Variants in SLC9C2 observed in about 807,000 individuals in gnomAD.
SLC9C2 encodes the protein solute carrier family 9 member C2 (putative).
SLC9C2 carries 75 observed loss-of-function variants against 140.2 expected under a neutral mutation model. The ratio of observed to expected loss-of-function variants is 0.53; its 90% CI spans 0.44 to 0.65. SLC9C2 has a LOEUF of 0.65. Among genes scored for constraint, SLC9C2 ranks in the 30% least tolerant of loss-of-function variants. The pLI is 0.00. For missense variants in SLC9C2, 1,074 were observed against 1,331.8 expected (o/e 0.81, Z 3.01); for synonymous variants, 375 against 420.9 (o/e 0.89, Z 1.34).
At chr1:173,509,753 G>A in intron 23 of SLC9C2, 54 bp from the exon 24 acceptor site, 1 of 1,538,904 alleles carries the variant, frequency 6.5e-7, no homozygotes, top group Non-Finnish European at 8.7e-7. Flanking sequence ...TAAATTACAA[G>A]ACCATCAAAA....
chr1:173,516,976 GT>G (rs541066634), intron 23 of SLC9C2, among the ~76,000 whole-genome samples: 10 of 152,288 alleles, frequency 6.6e-5, no homozygotes, highest in Non-Finnish European at 1.5e-4. Context: ...TCCAGCACCT[GT>G]TACTTTTTGA....
chr1:173,533,590 T>C lies in SLC9C2; in HGVS notation c.2163+19A>G. On this transcript the variant is annotated intron_variant, in intron 17 of 27. Coordinates refer to ENST00000367714, the MANE Select transcript of SLC9C2 (RefSeq NM_178527.4). The stretch of plus-strand genomic sequence containing the variant: ...ACCACTCCTGGCAAATCTTAATATT[T>C]TAAAATGTGAAATCTTACCTTGAAG... 6.4e-7 allele frequency: 1 copy of C among 1,552,030 alleles called. No individual in the cohort carries two copies. The highest frequency in any genetic ancestry group is 8.8e-7 in the Non-Finnish European group (1 of 1,139,152).
intron 15 of SLC9C2, among the ~76,000 whole-genome samples, chr1:173,535,253 T>C (rs1259699394): frequency 2.0e-5 from 3 of 152,134 alleles, no homozygotes; most frequent in Admixed American, 6.5e-5. Context: ...TTAACGCCCT[T>C]GGTATGTTCT....
chr1:173,582,089 T>G (rs781117173), intron 6 of SLC9C2, 81 bp from the exon 7 acceptor site: 96 of 1,152,248 alleles, frequency 8.3e-5, no homozygotes, highest in Non-Finnish European at 1.1e-4. Context: ...TTTGGGTCTT[T>G]GCACTTTGGT....
Position 173,571,317 on chromosome 1 carries a change from T to C in SLC9C2, c.1046+1865A>G, listed in dbSNP as rs116096743. 5.8e-3 allele frequency among the ~76,000 whole-genome samples: 878 copies of C among 152,266 alleles called. 9 individuals carry two copies. Among genetic ancestry groups the C allele is most frequent in the African/African-American group, 0.02 (839 of 41,544 alleles). On this transcript the variant is annotated intron_variant, in intron 9 of 27. Transcript: ENST00000367714. ...TTACTTTTTTTCATACTTACCTATC[T>C]ATCCTCATCTCCTGCTCTCCCCTCT...
chr1:173,552,948 T>C (rs1387605374), intron 11 of SLC9C2, among the ~76,000 whole-genome samples: 4 of 152,238 alleles, frequency 2.6e-5, no homozygotes, highest in African/African-American at 7.2e-5. Context: ...ACCTCATGGA[T>C]AGAATTCACC....
chr1:173,561,031 C>T (rs1664069388), intron 9 of SLC9C2, among the ~76,000 whole-genome samples: 1 of 152,096 alleles, frequency 6.6e-6, no homozygotes, highest in Non-Finnish European at 1.5e-5. Context: ...CTTGACCTCA[C>T]ATGATCCACC....
At chr1:173,505,148 T>C in intron 26 of SLC9C2, 99 bp downstream of exon 26, 1 of 994,912 alleles carries the variant, frequency 1.0e-6, no homozygotes, top group East Asian at 2.6e-5. Context: ...TAAACCCACA[T>C]AGTGCCCTCT....
intron 23 of SLC9C2, among the ~76,000 whole-genome samples, chr1:173,510,706 G>A (rs759142565): frequency 6.6e-6 from 1 of 152,142 alleles, no homozygotes; most frequent in Non-Finnish European, 1.5e-5. Context: ...TGGTGTGTAT[G>A]TACCACATTT....
At chr1:173,598,539 G>A (rs930785051) in intron 3 of SLC9C2, among the ~76,000 whole-genome samples, 2 of 152,076 alleles carry the variant, frequency 1.3e-5, no homozygotes, top group African/African-American at 4.8e-5. Flanking sequence ...AAATCATGAA[G>A]GTTGTACACA....
At chr1:173,530,120 G>A (rs911004326) in intron 17 of SLC9C2, 66 bp from the exon 18 acceptor site, 2 of 1,425,872 alleles carry the variant, frequency 1.4e-6, no homozygotes, top group African/African-American at 2.9e-5. Context: ...CTCTGAGGCA[G>A]AAATTCATAA....
At chr1:173,543,466 G>A (rs1379284474) in intron 13 of SLC9C2, among the ~76,000 whole-genome samples, 1 of 152,106 alleles carries the variant, frequency 6.6e-6, no homozygotes. Context: ...TCCCCACCAA[G>A]CTACCAATGA....
At chr1:173,579,000 G>A (rs1208885750) in intron 7 of SLC9C2, among the ~76,000 whole-genome samples, 2 of 152,210 alleles carry the variant, frequency 1.3e-5, no homozygotes, top group East Asian at 1.9e-4. Flanking sequence ...CTTTCATTCT[G>A]AGCAGCGGCA....
At chr1:173,537,247 G>A (rs1662037996) in intron 13 of SLC9C2, among the ~76,000 whole-genome samples, 1 of 152,116 alleles carries the variant, frequency 6.6e-6, no homozygotes, top group African/African-American at 2.4e-5. Context: ...TGAATGTTAT[G>A]AGATAAAAAG....
At chr1:173,542,415 A>T (rs1350617620) in intron 13 of SLC9C2, among the ~76,000 whole-genome samples, 1 of 152,228 alleles carries the variant, frequency 6.6e-6, no homozygotes, top group Non-Finnish European at 1.5e-5. Flanking sequence ...TTCACAGCCA[A>T]ATTCTACCAG....
rs181264336 is a variant in SLC9C2 at position 173,557,610 on chromosome 1, G to A, written c.1047-102C>T. ...TACTAAATTTAATATAAAAATTTTCGGGAAAGAAAAAAACAATGCAATTTA... is the reference window on the plus strand; with the variant it reads ...TACTAAATTTAATATAAAAATTTTCAGGAAAGAAAAAAACAATGCAATTTA... On this transcript the variant is annotated intron_variant, in intron 9 of 27. Coordinates refer to ENST00000367714, the MANE Select transcript of SLC9C2 (RefSeq NM_178527.4). The A allele has an allele frequency of 2.7e-4, 306 of 1,149,802 alleles. No homozygotes were observed. In the African/African-American group the frequency reaches 2.9e-3, roughly 11 times the overall value. The allele number at this position is 1,149,802 out of a possible 1,614,324, so 71.2% of individuals were successfully genotyped here.
chr1:173,516,162 C>T (rs560856508), intron 23 of SLC9C2, among the ~76,000 whole-genome samples: 2 of 152,230 alleles, frequency 1.3e-5, no homozygotes, highest in South Asian at 4.2e-4. Flanking sequence ...GGAGCAGGAC[C>T]CATTTAACGA....
At chr1:173,525,868 C>A (rs539887032) in intron 19 of SLC9C2, among the ~76,000 whole-genome samples, 2 of 152,272 alleles carry the variant, frequency 1.3e-5, no homozygotes, top group African/African-American at 4.8e-5. Flanking sequence ...TAAATGGCAA[C>A]AATGGGTCAT....
intron 13 of SLC9C2, among the ~76,000 whole-genome samples, chr1:173,540,319 C>G (rs547951528): frequency 6.6e-6 from 1 of 152,176 alleles, no homozygotes; most frequent in East Asian, 1.9e-4. Context: ...AATAGAATCA[C>G]CTGGATTGCC....
Sources: gnomAD v4.1 joint callset for allele counts (sites outside exome capture counted in the v4.1 genomes callset) on GRCh38, gnomAD v4.1.1 for gene constraint, MANE v1.5 for transcripts, NCBI Gene and HGNC (gene_info 2026-07-23, HGNC 2026-07-21) for gene names.